Variants in RIMS3 observed in about 807,000 individuals in gnomAD.
The protein encoded by RIMS3 is regulating synaptic membrane exocytosis 3, also known as regulating synaptic membrane exocytosis protein 3.
Under a neutral mutation model 29.2 loss-of-function variants are expected in RIMS3, and 15 were observed. The ratio of observed to expected loss-of-function variants is 0.51; its 90% CI spans 0.34 to 0.79. The LOEUF (loss-of-function observed/expected upper bound fraction) is 0.79, where lower values mean the gene tolerates loss of function less well. RIMS3 is among the 30% of genes least tolerant of loss of function. The pLI is 0.01. For missense variants in RIMS3, 342 were observed against 421.4 expected, an observed-to-expected ratio of 0.81 and a Z score of 1.65; for synonymous variants, 161 against 170.1, an observed-to-expected ratio of 0.95 and a Z score of 0.41.
chr1:40,661,886 G>A lies in RIMS3; in HGVS notation c.-207+3508C>T, dbSNP rs1367947573. 4.6e-5 allele frequency among the ~76,000 whole-genome samples: 7 copies of A among 152,220 alleles called. No homozygotes were observed. The East Asian group carries it at 7.7e-4, about 17-fold the overall frequency. On this transcript the variant is annotated intron_variant, in intron 1 of 7. Coordinates refer to ENST00000372684, the MANE Select transcript of RIMS3 (RefSeq NM_014747.3). ...TTGGGAGAACCTGGCCCCAAGGGCT[G>A]AGCTTTGTCAACAAGGCCACGATAC...
At chr1:40,671,829 C>A in the RIMS3 span, among the ~76,000 whole-genome samples, 1 of 146,566 alleles carries the variant, frequency 6.8e-6, no homozygotes, top group Non-Finnish European at 1.5e-5. Context: ...GTGGCGTGAT[C>A]TCAGCTCACT....
At chr1:40,686,629 C>T in the RIMS3 span, among the ~76,000 whole-genome samples, 3 of 152,322 alleles carry the variant, frequency 2.0e-5, no homozygotes, top group East Asian at 5.8e-4. Flanking sequence ...TGCACTCCAG[C>T]CTGGGTGACA....
chr1:40,632,474 T>G (rs1018399706), intron 5 of RIMS3, among the ~76,000 whole-genome samples: 1 of 143,044 alleles, frequency 7.0e-6, no homozygotes, highest in Non-Finnish European at 1.5e-5. Context: ...GCCATCTAGG[T>G]TTGTGTAAGT....
chr1:40,660,853 G>A (rs1642341827), intron 1 of RIMS3, among the ~76,000 whole-genome samples: 1 of 152,074 alleles, frequency 6.6e-6, no homozygotes, highest in South Asian at 2.1e-4. Context: ...AGTGACAAGG[G>A]GCTCTGAGCT....
chr1:40,656,616 T>C (rs1366932468), intron 1 of RIMS3, among the ~76,000 whole-genome samples: 1 of 151,934 alleles, frequency 6.6e-6, no homozygotes, highest in African/African-American at 2.4e-5. Context: ...AAACTCCGTC[T>C]CCACTAAATA....
At chr1:40,671,574 G>A in the RIMS3 span, among the ~76,000 whole-genome samples, 2 of 151,904 alleles carry the variant, frequency 1.3e-5, no homozygotes, top group Admixed American at 1.3e-4. Flanking sequence ...AAAGTGTGTG[G>A]CACCACCCGA....
At chr1:40,678,702 G>A in the RIMS3 span, among the ~76,000 whole-genome samples, 4 of 152,180 alleles carry the variant, frequency 2.6e-5, no homozygotes, top group Non-Finnish European at 4.4e-5. Context: ...CTCCAGAGTC[G>A]GCGCTCACCC....
intron 1 of RIMS3, among the ~76,000 whole-genome samples, chr1:40,657,107 G>A (rs1236830747): frequency 2.0e-5 from 3 of 152,174 alleles, no homozygotes; most frequent in Admixed American, 1.3e-4. Flanking sequence ...ATGAGCCTCA[G>A]AGCAGGAATT....
intron 4 of RIMS3, among the ~76,000 whole-genome samples, chr1:40,634,033 C>T (rs1357434258): frequency 6.6e-6 from 1 of 152,186 alleles, no homozygotes; most frequent in East Asian, 1.9e-4. Context: ...AGTGCTACTT[C>T]TCTTTTGTGC....
chr1:40,653,130 A>G (rs888453193), intron 1 of RIMS3, among the ~76,000 whole-genome samples: 3 of 152,230 alleles, frequency 2.0e-5, no homozygotes, highest in African/African-American at 7.2e-5. Context: ...CAACTCCCAC[A>G]TTCAGGTGTT....
the RIMS3 span, among the ~76,000 whole-genome samples, chr1:40,677,838 T>C: frequency 6.6e-6 from 1 of 152,322 alleles, no homozygotes. Flanking sequence ...GTCGTGTTCT[T>C]GACATGTATG....
intron 1 of RIMS3, among the ~76,000 whole-genome samples, chr1:40,662,982 C>A (rs1189748941): frequency 1.3e-5 from 2 of 152,166 alleles, no homozygotes; most frequent in South Asian, 2.1e-4. Context: ...CCATTCCCAG[C>A]AAGCTCACCT....
the RIMS3 span, chr1:40,691,694 G>A: frequency 2.4e-5 from 11 of 452,252 alleles, no homozygotes; most frequent in Middle Eastern, 3.3e-4. Flanking sequence ...AAGGGAAAAG[G>A]GGAAACGGTG....
chr1:40,659,585 C>T (rs1642322714), intron 1 of RIMS3, among the ~76,000 whole-genome samples: 1 of 152,112 alleles, frequency 6.6e-6, no homozygotes, highest in South Asian at 2.1e-4. Flanking sequence ...ATTCCTGAGC[C>T]CACAGAGTTC....
At position 40,626,272 on chromosome 1, in the gene RIMS3, C is replaced by G; in HGVS notation, c.*245G>C. 1 of 572,316 alleles carries G rather than the reference C, an allele frequency of 1.7e-6. No individual in the cohort carries two copies. Among genetic ancestry groups the G allele is most frequent in the Non-Finnish European group, 3.1e-6 (1 of 318,378 alleles). 35.5% of individuals were successfully genotyped at this position (572,316 alleles called of 1,614,324 possible). ...GACGTGGAGACATTTCAGCCCATATCATCACCAGGAGTGACTATACCCAGA... is the reference window on the plus strand; with the variant it reads ...GACGTGGAGACATTTCAGCCCATATGATCACCAGGAGTGACTATACCCAGA... On this transcript the variant is annotated 3_prime_UTR_variant, in exon 8 of 8. Coordinates refer to ENST00000372684, the MANE Select transcript of RIMS3 (RefSeq NM_014747.3).
chr1:40,641,879 T>C lies in RIMS3; in HGVS notation c.47A>G (p.Asn16Ser). The change falls in exon 3 of 8, where the codon AAT (asparagine) becomes AGT (serine). Residue 16 changes from asparagine (N) to serine (S), a missense_variant. Transcript: ENST00000372684. ...PGPASSGASR[N>S]VVRSSSISGE... is the part of the protein sequence containing the mutation. ...GCTAATGCTGGAGCTCCGCACCACA[T>C]TCCTGGAGGCCCCAGATGAGGCAGG... 1 of 1,613,618 alleles carries C rather than the reference T, an allele frequency of 6.2e-7. No individual in the cohort carries two copies. The highest frequency in any genetic ancestry group is 8.5e-7 in the Non-Finnish European group (1 of 1,179,590).
chr1:40,680,455 C>T, the RIMS3 span, among the ~76,000 whole-genome samples: 1 of 151,840 alleles, frequency 6.6e-6, no homozygotes, highest in Admixed American at 6.6e-5. Flanking sequence ...CCTCAGCCTC[C>T]CAAGTAGCTA....
chr1:40,637,863 G>A (rs1646530989), intron 3 of RIMS3, among the ~76,000 whole-genome samples: 2 of 152,128 alleles, frequency 1.3e-5, no homozygotes, highest in South Asian at 2.1e-4. Flanking sequence ...CTCCCTGTCC[G>A]TGGCTCCTAA....
chr1:40,649,644 G>T (rs1277803356), intron 1 of RIMS3, among the ~76,000 whole-genome samples: 1 of 152,198 alleles, frequency 6.6e-6, no homozygotes, highest in Admixed American at 6.5e-5. Context: ...AATCTCACTC[G>T]CCTGGCCCCC....
Sources: allele counts gnomAD v4.1 joint callset (sites outside exome capture counted in the v4.1 genomes callset), GRCh38; gene constraint gnomAD v4.1.1; transcripts MANE v1.5; gene names NCBI Gene and HGNC (gene_info 2026-07-23, HGNC 2026-07-21).